SLC9A9: variants seen among roughly 807,000 people sequenced by gnomAD.
SLC9A9 encodes solute carrier family 9 member A9.
In SLC9A9, 62 loss-of-function variants were observed where a neutral mutation model predicts 77.8. That is an observed-to-expected ratio of 0.80 (90% confidence interval 0.65 to 0.98). The LOEUF (loss-of-function observed/expected upper bound fraction) is 0.98, where lower values mean the gene tolerates loss of function less well. SLC9A9 is among the 50% of genes least tolerant of loss of function. The pLI is 0.00. For synonymous variants in SLC9A9, 320 were observed against 283.5 expected (o/e 1.13, Z -1.29); for missense variants, 775 against 774.9 (o/e 1.00, Z 0.00).
chr3:143,415,076 A>T (rs1275827841), intron 12 of SLC9A9, among the ~76,000 whole-genome samples: 3 of 152,226 alleles, frequency 2.0e-5, no homozygotes, highest in Admixed American at 2.0e-4. Flanking sequence ...GGCCTAACCC[A>T]GAGGGGGGCC....
chr3:143,412,454 C>T (rs143860335), intron 12 of SLC9A9, among the ~76,000 whole-genome samples: 17 of 152,282 alleles, frequency 1.1e-4, no homozygotes, highest in African/African-American at 3.9e-4. Flanking sequence ...TTGAGCTATG[C>T]CCTCCCCCGG....
chr3:143,715,879 A>G (rs1243379745), intron 4 of SLC9A9, among the ~76,000 whole-genome samples: 1 of 152,248 alleles, frequency 6.6e-6, no homozygotes, highest in Non-Finnish European at 1.5e-5. Context: ...CTCATTGTCC[A>G]AAGAGGTATG....
At chr3:143,666,643 GA>G (rs746320467) in intron 5 of SLC9A9, among the ~76,000 whole-genome samples, 3 of 152,146 alleles carry the variant, frequency 2.0e-5, no homozygotes, top group African/African-American at 4.8e-5. Flanking sequence ...AAAGTCTCAG[GA>G]TACAAAATCA....
At chr3:143,734,268 C>T (rs1407792267) in intron 4 of SLC9A9, among the ~76,000 whole-genome samples, 1 of 151,814 alleles carries the variant, frequency 6.6e-6, no homozygotes, top group African/African-American at 2.4e-5. Flanking sequence ...TTTGGTTTTG[C>T]CCCCAGGCAT....
intron 7 of SLC9A9, among the ~76,000 whole-genome samples, chr3:143,577,545 C>T (rs895825984): frequency 6.6e-6 from 1 of 152,152 alleles, no homozygotes; most frequent in Non-Finnish European, 1.5e-5. Context: ...GTGATAACTT[C>T]GATGCGGCTC....
chr3:143,422,799 A>G lies in SLC9A9; in HGVS notation c.1470-40685T>C, dbSNP rs538458524. Among the ~76,000 whole-genome samples, 3 of 152,348 alleles carry G rather than the reference A, an allele frequency of 2.0e-5. No homozygotes were observed. In the South Asian group the frequency reaches 6.2e-4, roughly 32 times the overall value. On this transcript the variant is annotated intron_variant, in intron 12 of 15. Transcript: ENST00000316549. ...CAGAGCAGTTGTGTCACTGTTCAAG[A>G]TCACACAGCCAGTGAGTATCAGAGC...
At chr3:143,710,616 G>A (rs1934116848) in intron 4 of SLC9A9, among the ~76,000 whole-genome samples, 1 of 152,168 alleles carries the variant, frequency 6.6e-6, no homozygotes, top group Admixed American at 6.5e-5. Context: ...ATCCAACCAG[G>A]TTAATGGCTT....
chr3:143,485,017 G>T (rs1310488775), intron 11 of SLC9A9, among the ~76,000 whole-genome samples: 1 of 152,172 alleles, frequency 6.6e-6, no homozygotes, highest in African/African-American at 2.4e-5. Context: ...CAACTTCTAG[G>T]AGAAGGCTTG....
chr3:143,349,249 G>T (rs1370894524), intron 14 of SLC9A9, among the ~76,000 whole-genome samples: 1 of 152,152 alleles, frequency 6.6e-6, no homozygotes, highest in Non-Finnish European at 1.5e-5. Flanking sequence ...CTGTAGCTGG[G>T]CTTAAAGGTG....
intron 4 of SLC9A9, among the ~76,000 whole-genome samples, chr3:143,781,504 T>C (rs553023197): frequency 1.3e-5 from 2 of 152,218 alleles, no homozygotes; most frequent in African/African-American, 4.8e-5. Context: ...TTTGAGGAGG[T>C]AATATAATAC....
At chr3:143,462,330 G>C (rs1015211708) in intron 12 of SLC9A9, among the ~76,000 whole-genome samples, 5 of 151,970 alleles carry the variant, frequency 3.3e-5, no homozygotes, top group Non-Finnish European at 5.9e-5. Flanking sequence ...CTATGATTGA[G>C]CCACTGCACT....
Position 143,611,547 on chromosome 3 carries a change from A to G in SLC9A9, c.756-32824T>C, listed in dbSNP as rs145253362. Among the ~76,000 whole-genome samples, 154 of 152,362 alleles carry G rather than the reference A, an allele frequency of 1.0e-3. No individual in the cohort carries two copies. The East Asian group carries it at 0.024, about 24-fold the overall frequency. On this transcript the variant is annotated intron_variant, in intron 6 of 15. Coordinates refer to ENST00000316549, the MANE Select transcript of SLC9A9 (RefSeq NM_173653.4). ...GAGACAAAAGATAAATCACAAATGCAGTGATAAAAATCATACAGCAGTAGA... is the reference window on the plus strand; with the variant it reads ...GAGACAAAAGATAAATCACAAATGCGGTGATAAAAATCATACAGCAGTAGA...
intron 14 of SLC9A9, among the ~76,000 whole-genome samples, chr3:143,296,200 GC>G (rs200404113): frequency 6.6e-6 from 1 of 152,088 alleles, no homozygotes; most frequent in East Asian, 1.9e-4. Context: ...CTGAAGCTAT[GC>G]CAATTAAATA....
chr3:143,506,805 A>G (rs1404626626), intron 9 of SLC9A9, among the ~76,000 whole-genome samples: 1 of 152,162 alleles, frequency 6.6e-6, no homozygotes, highest in Admixed American at 6.5e-5. Flanking sequence ...AAGTTGTAGA[A>G]TAAGACAATT....
In SLC9A9 at chr3:143,413,780, CTGTGTG is replaced by C. The variant is rs3068538; in HGVS notation, c.1470-31672_1470-31667del. Among the ~76,000 whole-genome samples the C allele has an allele frequency of 3.8e-3, 578 of 150,286 alleles. 2 individuals are homozygous for C. The highest frequency in any genetic ancestry group is 0.013 in the African/African-American group (542 of 40,948). The stretch of plus-strand genomic sequence containing the variant: ...AAAGTACAGAGATCAGTATTATTAA[CTGTGTG>C]TGTGTGTGTGTGTGTGTGTGTACGT... On this transcript the variant is annotated intron_variant, in intron 12 of 15. Coordinates refer to ENST00000316549, the MANE Select transcript of SLC9A9 (RefSeq NM_173653.4).
At chr3:143,375,508 C>G (rs1164247219) in intron 13 of SLC9A9, among the ~76,000 whole-genome samples, 1 of 152,174 alleles carries the variant, frequency 6.6e-6, no homozygotes, top group Admixed American at 6.5e-5. Context: ...TCTGTCATGG[C>G]CAGGAGAAAG....
chr3:143,480,826 G>A (rs547088528), intron 11 of SLC9A9, among the ~76,000 whole-genome samples: 41 of 152,264 alleles, frequency 2.7e-4, no homozygotes, highest in Admixed American at 5.2e-4. Context: ...AAAGAACACT[G>A]GACTCTAGGC....
chr3:143,441,253 G>A (rs1267888931), intron 12 of SLC9A9, among the ~76,000 whole-genome samples: 1 of 152,116 alleles, frequency 6.6e-6, no homozygotes, highest in Non-Finnish European at 1.5e-5. Flanking sequence ...CCACTTTGTG[G>A]TAGAATATCT....
chr3:143,801,427 C>T (rs1001280253), intron 2 of SLC9A9, among the ~76,000 whole-genome samples: 4 of 152,206 alleles, frequency 2.6e-5, no homozygotes, highest in African/African-American at 9.7e-5. Context: ...ACACTTGATG[C>T]ATATACTTTC....
Sources: gnomAD v4.1 joint callset for allele counts (sites outside exome capture counted in the v4.1 genomes callset) on GRCh38, gnomAD v4.1.1 for gene constraint, MANE v1.5 for transcripts, NCBI Gene and HGNC (gene_info 2026-07-23, HGNC 2026-07-21) for gene names.